Variants in LRP1B observed in about 807,000 individuals in gnomAD.
LRP1B encodes the protein LDL receptor related protein 1B, also known as low-density lipoprotein receptor-related protein 1B.
In LRP1B, 217 loss-of-function variants were observed where a neutral mutation model predicts 556.6. The ratio of observed to expected loss-of-function variants is 0.39; its 90% CI spans 0.35 to 0.44. The LOEUF (loss-of-function observed/expected upper bound fraction) is 0.44, where lower values mean the gene tolerates loss of function less well. Ranked by LOEUF, LRP1B falls within the 20% of genes least tolerant of loss-of-function variation. LRP1B has a pLI of 1.00. For synonymous variants in LRP1B, 2,047 were observed against 1,865.8 expected, an observed-to-expected ratio of 1.10 and a Z score of -2.50; for missense variants, 5,053 against 5,620.8, an observed-to-expected ratio of 0.90 and a Z score of 3.23.
intron 66 of LRP1B, among the ~76,000 whole-genome samples, chr2:140,418,671 A>AC (rs1232382069): frequency 1.8e-4 from 27 of 150,612 alleles, no homozygotes; most frequent in Non-Finnish European, 4.4e-5. Flanking sequence ...GTTTCCCATC[A>AC]CCCCCAGATG....
chr2:140,391,905 A>G (rs1684039554), intron 66 of LRP1B, among the ~76,000 whole-genome samples: 1 of 152,194 alleles, frequency 6.6e-6, no homozygotes, highest in South Asian at 2.1e-4. Flanking sequence ...CAAGTTTTAA[A>G]GTATTCTCAA....
intron 43 of LRP1B, among the ~76,000 whole-genome samples, chr2:140,586,084 C>G (rs1004445094): frequency 2.6e-5 from 4 of 152,130 alleles, no homozygotes; most frequent in Non-Finnish European, 2.9e-5. Flanking sequence ...TATGAGCACA[C>G]TAACTTATGC....
chr2:140,671,790 G>A (rs758761054), intron 41 of LRP1B, among the ~76,000 whole-genome samples: 1 of 152,008 alleles, frequency 6.6e-6, no homozygotes, highest in Non-Finnish European at 1.5e-5. Context: ...CTTTTATCAC[G>A]TGAGGTAACA....
At chr2:140,690,977 T>G (rs1686215170) in intron 41 of LRP1B, among the ~76,000 whole-genome samples, 1 of 152,134 alleles carries the variant, frequency 6.6e-6, no homozygotes, top group Non-Finnish European at 1.5e-5. Flanking sequence ...AAAGCTAAAA[T>G]TTTTACATTT....
At position 141,729,814 on chromosome 2, in the gene LRP1B, T is replaced by G. The variant is rs138990851; in HGVS notation, c.205+80465A>C. Among the ~76,000 whole-genome samples, 148 of 152,160 alleles carry G rather than the reference T, an allele frequency of 9.7e-4. 3 individuals are homozygous for G. The highest frequency in any genetic ancestry group is 3.4e-3 in the Middle Eastern group (1 of 294). ...CATTTGAGTAGTACTGTAGGTGGAG[T>G]AAAACAGTGGGGTGAAGAACCCATT... On this transcript the variant is annotated intron_variant, in intron 2 of 90. Coordinates refer to ENST00000389484, the MANE Select transcript of LRP1B (RefSeq NM_018557.3).
chr2:141,365,725 T>G (rs1352361429), intron 3 of LRP1B, among the ~76,000 whole-genome samples: 1 of 138,158 alleles, frequency 7.2e-6, no homozygotes, highest in Non-Finnish European at 1.5e-5. Flanking sequence ...CAGGCTGGAG[T>G]GCAGTGGCAC....
At chr2:140,698,571 T>A (rs1686517787) in intron 41 of LRP1B, among the ~76,000 whole-genome samples, 2 of 152,078 alleles carry the variant, frequency 1.3e-5, no homozygotes, top group Admixed American at 1.3e-4. Context: ...TGCCTCTTTA[T>A]CCTCTCATTG....
intron 53 of LRP1B, among the ~76,000 whole-genome samples, chr2:140,504,254 C>T (rs1464264328): frequency 1.1e-4 from 16 of 152,136 alleles, no homozygotes; most frequent in African/African-American, 2.4e-5. Context: ...ATCTTGTCCT[C>T]CTATTTACTT....
intron 3 of LRP1B, among the ~76,000 whole-genome samples, chr2:141,336,020 T>A (rs1159663727): frequency 6.6e-6 from 1 of 150,634 alleles, no homozygotes; most frequent in Non-Finnish European, 1.5e-5. Context: ...AGGCTCGATG[T>A]TATCTCAGAT....
intron 1 of LRP1B, among the ~76,000 whole-genome samples, chr2:141,846,085 T>C (rs1290364250): frequency 6.6e-6 from 1 of 151,438 alleles, no homozygotes; most frequent in Non-Finnish European, 1.5e-5. Context: ...CGGTAAAAGT[T>C]AATGATGTAA....
chr2:140,702,523 C>A lies in LRP1B; in HGVS notation c.6054G>T (p.Met2018Ile), dbSNP rs1217315740. 1 of 1,613,298 alleles carries A rather than the reference C, an allele frequency of 6.2e-7. No individual in the cohort carries two copies. Among genetic ancestry groups the A allele is most frequent in the Non-Finnish European group, 8.5e-7 (1 of 1,179,538 alleles). Residue 2018 changes from methionine to isoleucine, a missense_variant, in exon 38 of 91, where the codon ATG becomes ATT. This residue lies in a region of LRP1B where 3,619 missense variants were observed against 3,931.9 expected (regional missense o/e 0.92). Transcript: ENST00000389484. ...CCAAGCGAGCCTTTCCAATACAGGG[C>A]ATTTGTCCCCATTCAGTCCAGAACA... ...GLLFWTEWGQMPCIGKARLDG... is the reference protein window; with the variant it reads ...GLLFWTEWGQIPCIGKARLDG...
chr2:141,628,254 C>T (rs544243066), intron 2 of LRP1B, among the ~76,000 whole-genome samples: 20 of 152,154 alleles, frequency 1.3e-4, no homozygotes, highest in Non-Finnish European at 2.2e-4. Context: ...AGTACAATTT[C>T]CTTTTGTGCT....
chr2:141,936,207 A>G (rs1700632327), intron 1 of LRP1B, among the ~76,000 whole-genome samples: 1 of 152,208 alleles, frequency 6.6e-6, no homozygotes, highest in African/African-American at 2.4e-5. Context: ...TCTATTCAGA[A>G]TATTTTACCT....
chr2:140,415,394 C>T (rs761626687), intron 66 of LRP1B, among the ~76,000 whole-genome samples: 8 of 152,230 alleles, frequency 5.3e-5, no homozygotes, highest in Non-Finnish European at 7.4e-5. Context: ...GTACCTACTC[C>T]CTGTTCTTAC....
At chr2:141,502,624 G>A (rs919398364) in intron 2 of LRP1B, among the ~76,000 whole-genome samples, 3 of 152,100 alleles carry the variant, frequency 2.0e-5, no homozygotes, top group Admixed American at 1.3e-4. Context: ...ACTTTGGGAG[G>A]CTGAGGTGGG....
At chr2:142,000,272 C>T (rs536199354) in intron 1 of LRP1B, among the ~76,000 whole-genome samples, 2 of 152,212 alleles carry the variant, frequency 1.3e-5, no homozygotes, top group Admixed American at 6.6e-5. Context: ...GAATGGACTT[C>T]CTTGCTTTCA....
intron 65 of LRP1B, 114 bp downstream of exon 65, chr2:140,444,216 T>G: frequency 8.8e-7 from 1 of 1,135,256 alleles, no homozygotes; most frequent in South Asian, 1.9e-5. Context: ...TATTTGACCA[T>G]AATTTCTTTT....
intron 43 of LRP1B, among the ~76,000 whole-genome samples, chr2:140,575,224 A>G (rs1323142620): frequency 6.6e-6 from 1 of 152,166 alleles, no homozygotes; most frequent in Non-Finnish European, 1.5e-5. Flanking sequence ...AACAACTATG[A>G]TCAAATTACA....
At chr2:141,611,721 C>T (rs947756402) in intron 2 of LRP1B, among the ~76,000 whole-genome samples, 1 of 152,108 alleles carries the variant, frequency 6.6e-6, no homozygotes, top group African/African-American at 2.4e-5. Context: ...GGAGCCATGC[C>T]AGGCAGAATG....
Sources: allele counts gnomAD v4.1 joint callset (sites outside exome capture counted in the v4.1 genomes callset), GRCh38; gene constraint gnomAD v4.1.1; regional missense constraint gnomAD v4.1.1; transcripts MANE v1.5; gene names NCBI Gene and HGNC (gene_info 2026-07-23, HGNC 2026-07-21).